Variants in GLIS3 observed in about 807,000 individuals in gnomAD.
The protein encoded by GLIS3 is GLIS family zinc finger 3.
Under a neutral mutation model 78.6 loss-of-function variants are expected in GLIS3, and 53 were observed. The ratio of observed to expected loss-of-function variants is 0.67; its 90% CI spans 0.54 to 0.85. The LOEUF is 0.85. Among genes scored for constraint, GLIS3 ranks in the 40% least tolerant of loss-of-function variants. GLIS3 has a pLI of 0.00. For missense variants in GLIS3, 1,703 were observed against 1,231.1 expected (o/e 1.38, Z -5.74); for synonymous variants, 684 against 509.9 (o/e 1.34, Z -4.60).
chr9:3,945,443 A>G (rs900851298), intron 4 of GLIS3, among the ~76,000 whole-genome samples: 1 of 152,164 alleles, frequency 6.6e-6, no homozygotes, highest in East Asian at 1.9e-4. Context: ...TTCTTGCACA[A>G]TGAGTACTTC....
At chr9:4,339,439 T>C (rs1401162699) in intron 2 of GLIS3, among the ~76,000 whole-genome samples, 1 of 152,136 alleles carries the variant, frequency 6.6e-6, no homozygotes, top group Non-Finnish European at 1.5e-5. Flanking sequence ...TTTTAAAGAA[T>C]GACATTTATA....
Position 3,856,014 on chromosome 9 carries a change from A to T in GLIS3, c.2468T>A (p.Val823Asp), listed in dbSNP as rs984193457. The T allele has an allele frequency of 6.2e-7, 1 of 1,614,138 alleles. No individual in the cohort carries two copies. Among genetic ancestry groups the T allele is most frequent in the Non-Finnish European group, 8.5e-7 (1 of 1,179,970 alleles). The change falls in exon 9 of 11, where the codon GTC becomes GAC. Residue 823 changes from valine (V) to aspartate (D), a missense_variant. By Grantham distance (152) the Val-to-Asp change is radical. Transcript: ENST00000381971. ...NSSFQPNGIH[V>D]HGFYGQLQKF... ...ACTGCCAGCTTCTTGCTTACCATGGACATGGATACCATTTGGTTGAAAAGA... is the reference window on the plus strand; with the variant it reads ...ACTGCCAGCTTCTTGCTTACCATGGTCATGGATACCATTTGGTTGAAAAGA...
At chr9:4,406,932 T>C in the GLIS3 span, among the ~76,000 whole-genome samples, 2 of 152,002 alleles carry the variant, frequency 1.3e-5, no homozygotes, top group Non-Finnish European at 2.9e-5. Context: ...TTCACAGAAA[T>C]AGAAAAACAA....
chr9:4,041,250 T>A (rs1231792920), intron 4 of GLIS3, among the ~76,000 whole-genome samples: 1 of 151,696 alleles, frequency 6.6e-6, no homozygotes, highest in African/African-American at 2.4e-5. Flanking sequence ...AACAAGGGGG[T>A]GGGAGTGGAA....
the GLIS3 span, among the ~76,000 whole-genome samples, chr9:4,425,395 G>A: frequency 6.6e-6 from 1 of 152,202 alleles, no homozygotes; most frequent in East Asian, 1.9e-4. Flanking sequence ...TTTGCCTGGA[G>A]ACCCTGTTTT....
At chr9:4,315,863 T>C (rs1469172711) in intron 2 of GLIS3, among the ~76,000 whole-genome samples, 2 of 152,088 alleles carry the variant, frequency 1.3e-5, no homozygotes, top group African/African-American at 2.4e-5. Flanking sequence ...CTTCCAGGTA[T>C]GGGGTTCTAG....
At chr9:3,867,753 G>C (rs1416153048) in intron 8 of GLIS3, among the ~76,000 whole-genome samples, 1 of 138,892 alleles carries the variant, frequency 7.2e-6, no homozygotes, top group South Asian at 2.4e-4. Context: ...GTGTGTGTGT[G>C]TGAGTGCATG....
intron 2 of GLIS3, among the ~76,000 whole-genome samples, chr9:4,327,417 G>A (rs192106123): frequency 1.3e-5 from 2 of 152,176 alleles, no homozygotes; most frequent in Non-Finnish European, 2.9e-5. Context: ...AAATGTGGGA[G>A]ATCAGTTAGG....
At chr9:4,289,220 T>C (rs1828249287) in intron 1 of GLIS3, among the ~76,000 whole-genome samples, 1 of 152,180 alleles carries the variant, frequency 6.6e-6, no homozygotes, top group South Asian at 2.1e-4. Flanking sequence ...GTTCAGGAAT[T>C]TGGATCTATT....
chr9:4,416,558 A>G, the GLIS3 span, among the ~76,000 whole-genome samples: 1 of 151,994 alleles, frequency 6.6e-6, no homozygotes, highest in African/African-American at 2.4e-5. Context: ...CTAAATTGTC[A>G]TATTTCTTTC....
chr9:4,194,775 C>T (rs1459641589), intron 2 of GLIS3, among the ~76,000 whole-genome samples: 1 of 152,198 alleles, frequency 6.6e-6, no homozygotes, highest in East Asian at 1.9e-4. Context: ...TCCGGGCAAC[C>T]CTGGCCAAGG....
At chr9:4,083,893 A>G (rs1054255463) in intron 4 of GLIS3, among the ~76,000 whole-genome samples, 9 of 152,214 alleles carry the variant, frequency 5.9e-5, no homozygotes, top group Admixed American at 3.9e-4. Flanking sequence ...TCATGCCAGA[A>G]TAAAAGCCAA....
At chr9:4,037,999 C>A (rs1824477079) in intron 4 of GLIS3, among the ~76,000 whole-genome samples, 1 of 151,994 alleles carries the variant, frequency 6.6e-6, no homozygotes, top group African/African-American at 2.4e-5. Flanking sequence ...TACAAGATAG[C>A]CCATCTGTCT....
chr9:3,903,843 A>G (rs901769171), intron 6 of GLIS3, among the ~76,000 whole-genome samples: 2 of 152,148 alleles, frequency 1.3e-5, no homozygotes, highest in Non-Finnish European at 2.9e-5. Context: ...TATTTGAGGA[A>G]AGACTTGAGG....
chr9:3,945,419 T>G (rs772669958), intron 4 of GLIS3, among the ~76,000 whole-genome samples: 2 of 152,200 alleles, frequency 1.3e-5, no homozygotes, highest in Admixed American at 1.3e-4. Context: ...GAATGGACCA[T>G]GAACATATTG....
chr9:4,356,284 G>T, the GLIS3 span, among the ~76,000 whole-genome samples: 1 of 152,170 alleles, frequency 6.6e-6, no homozygotes, highest in Admixed American at 6.5e-5. Context: ...AGGAGGACTG[G>T]GGACTGGTAT....
intron 6 of GLIS3, among the ~76,000 whole-genome samples, chr9:3,930,245 A>T (rs1293899131): frequency 6.6e-6 from 1 of 152,232 alleles, no homozygotes; most frequent in Non-Finnish European, 1.5e-5. Flanking sequence ...CAACAAGTCA[A>T]TGAAATCCAA....
rs1382333142 is a variant in GLIS3, at chr9:3,824,766, G to C, written c.*3506C>G. ...TATATAACTATGTACAAGAGTCTGT[G>C]TGATTTATGGAAAACAGATTTCCAC... is the stretch of plus-strand genomic sequence containing the variant. On this transcript the variant is annotated 3_prime_UTR_variant, in exon 11 of 11. Transcript: ENST00000381971. The C allele has an allele frequency of 6.6e-6, 1 of 152,510 alleles. No individual in the cohort carries two copies. The highest frequency in any genetic ancestry group is 1.5e-5 in the Non-Finnish European group (1 of 68,024). The allele number at this position is 152,510 out of a possible 1,614,324, so 9.4% of individuals were successfully genotyped here.
chr9:4,369,241 T>C, the GLIS3 span, among the ~76,000 whole-genome samples: 1 of 152,178 alleles, frequency 6.6e-6, no homozygotes, highest in Non-Finnish European at 1.5e-5. Flanking sequence ...GAAGAAGTGT[T>C]CCCAAAGATG....
Sources: allele counts gnomAD v4.1 joint callset (sites outside exome capture counted in the v4.1 genomes callset), GRCh38; gene constraint gnomAD v4.1.1; transcripts MANE v1.5; gene names NCBI Gene and HGNC (gene_info 2026-07-23, HGNC 2026-07-21).